Variants in CARNS1 observed in about 807,000 individuals in gnomAD.
CARNS1 encodes ATP-grasp domain containing 1.
Under a neutral mutation model 74.0 loss-of-function variants are expected in CARNS1, and 61 were observed. The ratio of observed to expected loss-of-function variants is 0.82; its 90% CI spans 0.67 to 1.02. The LOEUF (loss-of-function observed/expected upper bound fraction) is 1.02. CARNS1 is among the 50% of genes least tolerant of loss of function. The pLI is 0.00. For synonymous variants in CARNS1, 568 were observed against 605.5 expected (o/e 0.94, Z 0.91); for missense variants, 1,278 against 1,308.4 (o/e 0.98, Z 0.36).
chr11:67,417,665 G>A lies in CARNS1; in HGVS notation c.262G>A (p.Val88Met), dbSNP rs1384301101. 7.9e-7 allele frequency: 1 copy of A among 1,266,394 alleles called. No individual in the cohort carries two copies. The highest frequency in any genetic ancestry group is 1.5e-5 in the African/African-American group (1 of 64,690). 78.4% of individuals were successfully genotyped at this position (1,266,394 alleles called of 1,614,324 possible). A position where few individuals can be genotyped will look rare whatever the true frequency, so the allele number is the denominator to read the frequency against. ...TCCGGAGACTCAGGACCGCGGCCAG[G>A]TGCCCCGCACAGGTGCCCAAGGGCT... ...GLPETQDRGQ[V>M]PRTGCPGAEV... The change falls in exon 3 of 10, where the codon GTG becomes ATG. Residue 88 changes from valine to methionine, a missense_variant. Transcript: ENST00000687366.
chr11:67,416,409 A>G (rs1863545772), intron 2 of CARNS1: 2 of 1,400,270 alleles, frequency 1.4e-6, no homozygotes, highest in Admixed American at 5.8e-5. Context: ...CATTCATTCC[A>G]TGGCCCCTCA....
Position 67,423,708 on chromosome 11 carries a change from C to T in CARNS1, c.1960C>T (p.Pro654Ser). 6.3e-7 allele frequency: 1 copy of T among 1,582,394 alleles called. No individual in the cohort carries two copies. Among genetic ancestry groups the T allele is most frequent in the Non-Finnish European group, 8.6e-7 (1 of 1,168,944 alleles). Residue 654 changes from proline to serine, a missense_variant, in exon 10 of 10, where the codon CCA becomes TCA. Physicochemically the swap from Pro to Ser is moderately conservative, Grantham distance 74 (BLOSUM62 -1). Coordinates refer to ENST00000687366, the MANE Select transcript of CARNS1 (RefSeq NM_001166222.2). This position sits in a 1 kb window ranked among gnomAD's most constrained non-coding sequence, Gnocchi z 5.1. ...CTCCCTCCATGCTGTGCCCTGCTGC[C>T]CACTGGAGAGTGAGGCTGATGTGGA... ...APSLHAVPCC[P>S]LESEADVERA...
chr11:67,419,124 G>A lies in CARNS1; in HGVS notation c.733G>A (p.Gly245Arg). 2 of 1,574,414 alleles carry A rather than the reference G, an allele frequency of 1.3e-6. No homozygotes were observed. The highest frequency in any genetic ancestry group is 1.7e-4 in the Middle Eastern group (1 of 5,912). The change falls in exon 5 of 10, where the codon GGG becomes AGG. Residue 245 changes from glycine (G) to arginine (R), a missense_variant. This residue lies in a region of CARNS1 where 1,164 missense variants were observed against 1,156.5 expected (regional missense o/e 1.01). Coordinates refer to ENST00000687366, the MANE Select transcript of CARNS1 (RefSeq NM_001166222.2). ...TYKPPGLLRGGDASLGLRLVE... is the reference protein window; with the variant it reads ...TYKPPGLLRGRDASLGLRLVE... Reference sequence around the variant, plus strand: ...CAAGCCGCCGGGGCTGCTGCGGGGAGGGGATGCCAGCCTAGGGCTACGGCT... The same window carrying A: ...CAAGCCGCCGGGGCTGCTGCGGGGAAGGGATGCCAGCCTAGGGCTACGGCT...
chr11:67,420,661 T>C lies in CARNS1; in HGVS notation c.1166T>C (p.Leu389Pro). ...GDRPLRHHNS[L>P]PRTLEVALAQ... ...CGCCCTCTACGGCACCACAACTCCC[T>C]GCCGAGGACGCTGGAGGTGGCGCTG... The change falls in exon 8 of 10, where the codon CTG (leucine) becomes CCG (proline). Residue 389 changes from leucine to proline, a missense_variant. Physicochemically the swap from Leu to Pro is moderately conservative, Grantham distance 98. Coordinates refer to ENST00000687366, the MANE Select transcript of CARNS1 (RefSeq NM_001166222.2). The C allele has an allele frequency of 2.4e-6, 3 of 1,257,494 alleles. No homozygotes were observed. The highest frequency in any genetic ancestry group is 3.0e-6 in the Non-Finnish European group (3 of 1,002,956). 77.9% of individuals were successfully genotyped at this position (1,257,494 alleles called of 1,614,324 possible). A position where few individuals can be genotyped will look rare whatever the true frequency, so the allele number is the denominator to read the frequency against.
intron 9 of CARNS1, among the ~76,000 whole-genome samples, chr11:67,422,475 C>T (rs1377501225): frequency 6.6e-6 from 1 of 152,084 alleles, no homozygotes; most frequent in African/African-American, 2.4e-5. Flanking sequence ...GAGCCACCAG[C>T]CCGGCCTGCC....
At chr11:67,419,308 T>A in intron 5 of CARNS1, 65 bp downstream of exon 5, 1 of 1,467,552 alleles carries the variant, frequency 6.8e-7, no homozygotes, top group East Asian at 2.5e-5. Context: ...CAGGCACGGT[T>A]ACCAAGTCTG....
At chr11:67,419,442 A>C in intron 5 of CARNS1, 45 bp from the exon 6 acceptor site, 3 of 1,596,614 alleles carry the variant, frequency 1.9e-6, no homozygotes, top group Non-Finnish European at 2.6e-6. Flanking sequence ...ACCCTGCAGT[A>C]CCTGGGGTGG....
At position 67,420,812 on chromosome 11, in the gene CARNS1, C is replaced by T. The variant is rs1225336481; in HGVS notation, c.1317C>T (p.Gly439=). The part of the protein sequence containing the change: ...LEAGLSAEQR[G]GRRAHTDFLG... ...CCGGCCTGAGTGCCGAGCAGCGCGG[C>T]GGGCGCCGGGCGCACACGGACTTCC... is the stretch of plus-strand genomic sequence containing the variant. The change falls in exon 8 of 10, where the codon GGC becomes GGT. Residue 439 remains glycine, a synonymous_variant. Coordinates refer to ENST00000687366, the MANE Select transcript of CARNS1 (RefSeq NM_001166222.2). 3.3e-6 allele frequency: 4 copies of T among 1,222,454 alleles called. No homozygotes were observed. The East Asian group carries it at 1.0e-4, about 31-fold the overall frequency. The allele number at this position is 1,222,454 out of a possible 1,614,324, so 75.7% of individuals were successfully genotyped here. A position where few individuals can be genotyped will look rare whatever the true frequency, so the allele number is the denominator to read the frequency against.
Position 67,418,924 on chromosome 11 carries a change from G to C in CARNS1, c.533G>C (p.Gly178Ala). 1 of 1,580,086 alleles carries C rather than the reference G, an allele frequency of 6.3e-7. No individual in the cohort carries two copies. Among genetic ancestry groups the C allele is most frequent in the South Asian group, 1.2e-5 (1 of 86,918 alleles). ...PPRRATYFLA[G>A]LGLGPGRGRE... ...CGCCGTGCCACCTACTTTTTGGCAG[G>C]CCTGGGCCTGGGGCCTGGCCGGGGC... The change falls in exon 5 of 10, where the codon GGC becomes GCC. Residue 178 changes from glycine to alanine, a missense_variant. Gly to Ala is a moderately conservative substitution (Grantham distance 60, BLOSUM62 0). This residue lies in a region of CARNS1 where 1,164 missense variants were observed against 1,156.5 expected (regional missense o/e 1.01). Transcript: ENST00000687366.
Position 67,424,045 on chromosome 11 carries a change from G to C in CARNS1, c.2297G>C (p.Cys766Ser). The change falls in exon 10 of 10, where the codon TGC becomes TCC. Residue 766 changes from cysteine to serine, a missense_variant. Cys to Ser is a moderately radical substitution (Grantham distance 112, BLOSUM62 -1). Around this residue, in one of 3 missense-constraint regions of CARNS1, gnomAD observed 1,164 missense variants for 1,156.5 expected, o/e 1.01. Transcript: ENST00000687366. ...CCTGGCTTCACTGAGACGGCGGCCTGCATGCCCACCGGGCTGGCACCAGAG... is the reference window on the plus strand; with the variant it reads ...CCTGGCTTCACTGAGACGGCGGCCTCCATGCCCACCGGGCTGGCACCAGAG... ...RLPGFTETAA[C>S]MPTGLAPEQE... is the part of the protein sequence containing the mutation. 6.2e-7 allele frequency: 1 copy of C among 1,612,692 alleles called. No homozygotes were observed. The highest frequency in any genetic ancestry group is 8.5e-7 in the Non-Finnish European group (1 of 1,179,674).
chr11:67,422,768 G>A (rs1863740368), intron 9 of CARNS1, among the ~76,000 whole-genome samples: 1 of 152,200 alleles, frequency 6.6e-6, no homozygotes, highest in Non-Finnish European at 1.5e-5. Context: ...CCCCTGCCTT[G>A]CTCAGTGTTT....
intron 8 of CARNS1, 22 bp downstream of exon 8, chr11:67,420,862 C>CGGGGCCG: frequency 7.9e-7 from 1 of 1,267,962 alleles, no homozygotes; most frequent in Non-Finnish European, 9.9e-7. Context: ...CGGCCGGGGC[C>CGGGGCCG]GGGGCCGGGA....
At chr11:67,418,044 A>G (rs950374432) in intron 3 of CARNS1, among the ~76,000 whole-genome samples, 2 of 152,172 alleles carry the variant, frequency 1.3e-5, no homozygotes, top group Admixed American at 1.3e-4. Context: ...CACGCCTGTT[A>G]CATATATCAG....
intron 7 of CARNS1, 90 bp downstream of exon 7, chr11:67,419,928 T>C: frequency 2.2e-6 from 3 of 1,351,632 alleles, no homozygotes; most frequent in Non-Finnish European, 3.1e-6. Context: ...CTGAGCCGTC[T>C]CTGGGCAGAG....
In CARNS1 at chr11:67,418,516, C is replaced by T; in HGVS notation, c.360C>T (p.Ser120=). The change falls in exon 4 of 10, where the codon AGC becomes AGT. Residue 120 remains serine, a synonymous_variant. Coordinates refer to ENST00000687366, the MANE Select transcript of CARNS1 (RefSeq NM_001166222.2). Reference sequence around the variant, plus strand: ...TGCTGCTGGAGGGTGGGGTCCAGAGCCCGGGTGAGTGTATGCTCAAGTTTC... The same window carrying T: ...TGCTGCTGGAGGGTGGGGTCCAGAGTCCGGGTGAGTGTATGCTCAAGTTTC... The part of the protein sequence containing the change: ...LPVLLEGGVQ[S]PGNMLLCLSP... 3.3e-6 allele frequency: 5 copies of T among 1,527,040 alleles called. No individual in the cohort carries two copies. The highest frequency in any genetic ancestry group is 1.2e-5 in the South Asian group (1 of 83,310). 94.6% of individuals were successfully genotyped at this position (1,527,040 alleles called of 1,614,324 possible).
chr11:67,422,798 T>C (rs1408978422), intron 9 of CARNS1, among the ~76,000 whole-genome samples: 2 of 152,216 alleles, frequency 1.3e-5, no homozygotes, highest in African/African-American at 4.8e-5. Context: ...GGAATGTCAC[T>C]CCACTGCCGA....
Position 67,424,014 on chromosome 11 carries a change from A to T in CARNS1, c.2266A>T (p.Arg756Trp). ...CTTTGTCTCCGACAATGGCCCTACG[A>T]GGCTGCCTGGCTTCACTGAGACGGC... ...AAFVSDNGPT[R>W]LPGFTETAAC... Residue 756 changes from arginine (R) to tryptophan (W), a missense_variant, in exon 10 of 10, where the codon AGG (arginine) becomes TGG (tryptophan). Physicochemically the swap from Arg to Trp is moderately radical, Grantham distance 101. This residue lies in a region of CARNS1 where 1,164 missense variants were observed against 1,156.5 expected (regional missense o/e 1.01). Transcript: ENST00000687366. 1 of 1,612,858 alleles carries T rather than the reference A, an allele frequency of 6.2e-7. No homozygotes were observed. Among genetic ancestry groups the T allele is most frequent in the East Asian group, 2.2e-5 (1 of 44,862 alleles).
intron 2 of CARNS1, chr11:67,416,410 T>G: frequency 7.1e-7 from 1 of 1,403,436 alleles, no homozygotes; most frequent in South Asian, 1.5e-5. Flanking sequence ...ATTCATTCCA[T>G]GGCCCCTCAG....
At chr11:67,422,171 CTTTTTTTTTTTTTTTTT>C (rs35293042) in intron 9 of CARNS1, among the ~76,000 whole-genome samples, 1 of 72,784 alleles carries the variant, frequency 1.4e-5, no homozygotes, top group East Asian at 4.6e-4. Flanking sequence ...CGCGCCCGGC[CTTTTTTTTTTTTTTTTT>C]TTTTTTTTTT....
Sources: allele counts gnomAD v4.1 joint callset (sites outside exome capture counted in the v4.1 genomes callset), GRCh38; gene constraint gnomAD v4.1.1; regional missense constraint gnomAD v4.1.1; non-coding constraint Gnocchi (gnomAD v3.1); transcripts MANE v1.5; gene names NCBI Gene and HGNC (gene_info 2026-07-23, HGNC 2026-07-21).